The following DPYSL3 variants were observed in gnomAD, a reference collection of about 807,000 sequenced individuals.
DPYSL3 encodes dihydropyrimidinase like 3.
DPYSL3 carries 16 observed loss-of-function variants against 66.1 expected under a neutral mutation model. The ratio of observed to expected loss-of-function variants is 0.24; its 90% CI spans 0.16 to 0.37. The LOEUF is 0.37. DPYSL3 is among the 10% of genes least tolerant of loss of function. The pLI, the probability that DPYSL3 is intolerant of heterozygous loss-of-function variation, is 1.00. For synonymous variants in DPYSL3, 338 were observed against 345.1 expected, an observed-to-expected ratio of 0.98 and a Z score of 0.23; for missense variants, 738 against 916.2, an observed-to-expected ratio of 0.81 and a Z score of 2.51.
intron 2 of DPYSL3, among the ~76,000 whole-genome samples, chr5:147,419,362 A>G (rs186750269): frequency 6.6e-6 from 1 of 152,298 alleles, no homozygotes; most frequent in African/African-American, 2.4e-5. Flanking sequence ...GCTTCAGAGC[A>G]TCTTAGGGAG....
intron 5 of DPYSL3, 146 bp downstream of exon 5, chr5:147,413,450 C>T (rs1355017917): frequency 1.6e-5 from 10 of 640,422 alleles, no homozygotes; most frequent in Admixed American, 2.7e-5. Context: ...TAAAATGTAG[C>T]GTGGACTGCA....
chr5:147,411,887 G>C (rs142857855), intron 6 of DPYSL3, among the ~76,000 whole-genome samples: 2,036 of 152,290 alleles, frequency 0.013, 57 homozygotes, highest in African/African-American at 0.046. Context: ...GTTTCTTGTT[G>C]CCAACATTAT....
At chr5:147,418,967 TTTAAG>T (rs1429068365) in intron 2 of DPYSL3, among the ~76,000 whole-genome samples, 1 of 152,202 alleles carries the variant, frequency 6.6e-6, no homozygotes, top group Non-Finnish European at 1.5e-5. Context: ...CATTTTGTTC[TTTAAG>T]TTAAGGTGAG....
chr5:147,438,712 C>T lies in DPYSL3; in HGVS notation c.382-13749G>A, dbSNP rs890371661. On this transcript the variant is annotated intron_variant, in intron 1 of 13. Transcript: ENST00000343218. ...TAGTCTACTCTTTTGTGATGTGTCT[C>T]TGCTCAGAAATGTTTCAGACTGAAG... Among the ~76,000 whole-genome samples, 135 of 152,192 alleles carry T rather than the reference C, an allele frequency of 8.9e-4. 1 individual carries two copies. The highest frequency in any genetic ancestry group is 8.7e-3 in the Admixed American group (133 of 15,284).
At chr5:147,399,948 T>G (rs1292519133) in intron 10 of DPYSL3, among the ~76,000 whole-genome samples, 1 of 152,214 alleles carries the variant, frequency 6.6e-6, no homozygotes, top group Non-Finnish European at 1.5e-5. Context: ...GAATTGAGTT[T>G]AAAACCTAGC....
At chr5:147,404,325 T>C (rs991015553) in intron 8 of DPYSL3, among the ~76,000 whole-genome samples, 6 of 152,132 alleles carry the variant, frequency 3.9e-5, no homozygotes, top group African/African-American at 1.4e-4. Flanking sequence ...GTCTAGACAA[T>C]GTGAAAGCCT....
At chr5:147,455,154 G>A (rs1752823985) in intron 1 of DPYSL3, among the ~76,000 whole-genome samples, 1 of 152,166 alleles carries the variant, frequency 6.6e-6, no homozygotes, top group African/African-American at 2.4e-5. Context: ...GTGAAGACGT[G>A]CTTGCGATAA....
intron 1 of DPYSL3, among the ~76,000 whole-genome samples, chr5:147,442,139 A>G (rs1030074870): frequency 6.6e-6 from 1 of 152,260 alleles, no homozygotes; most frequent in African/African-American, 2.4e-5. Context: ...GGTCTCCTTG[A>G]AAGAATTAAG....
At chr5:147,506,219 T>A (rs916467205) in intron 1 of DPYSL3, among the ~76,000 whole-genome samples, 2 of 152,138 alleles carry the variant, frequency 1.3e-5, no homozygotes, top group Non-Finnish European at 2.9e-5. Context: ...GCTAAGATAG[T>A]GATAAATATT....
chr5:147,411,921 C>CT (rs930150937), intron 6 of DPYSL3, among the ~76,000 whole-genome samples: 7 of 151,704 alleles, frequency 4.6e-5, no homozygotes, highest in South Asian at 2.1e-4. Flanking sequence ...AAAGCTCACT[C>CT]TTTTTTTTTC....
chr5:147,415,604 TTCCAGGC>T lies in DPYSL3; in HGVS notation c.820+98_820+104del, dbSNP rs1195835571. 3.5e-6 allele frequency: 5 copies of T among 1,410,326 alleles called. No individual in the cohort carries two copies. The African/African-American group carries it at 7.1e-5, about 20-fold the overall frequency. The allele number at this position is 1,410,326 out of a possible 1,614,324, so 87.4% of individuals were successfully genotyped here. A position where few individuals can be genotyped will look rare whatever the true frequency, so the allele number is the denominator to read the frequency against. ...CTACATCCAGTGCTCACACTCAAGGTTCCAGGCTCCAAGTAAAAGACAGTGACTGAAA... is the reference window on the plus strand; with the variant it reads ...CTACATCCAGTGCTCACACTCAAGGTTCCAAGTAAAAGACAGTGACTGAAA... On this transcript the variant is annotated intron_variant, in intron 4 of 13. Coordinates refer to ENST00000343218, the MANE Select transcript of DPYSL3 (RefSeq NM_001197294.2).
chr5:147,465,995 A>G (rs1471261855), intron 1 of DPYSL3, among the ~76,000 whole-genome samples: 2 of 152,240 alleles, frequency 1.3e-5, no homozygotes, highest in Non-Finnish European at 2.9e-5. Context: ...TTGATATTAA[A>G]TAAATATGTA....
intron 7 of DPYSL3, among the ~76,000 whole-genome samples, chr5:147,407,470 T>C (rs1751727242): frequency 6.6e-6 from 1 of 152,096 alleles, no homozygotes. Context: ...TGCCAGCACA[T>C]CTCCACAGTG....
At chr5:147,499,656 A>C (rs1753573044) in intron 1 of DPYSL3, among the ~76,000 whole-genome samples, 1 of 152,202 alleles carries the variant, frequency 6.6e-6, no homozygotes, top group African/African-American at 2.4e-5. Flanking sequence ...GATTCGACAC[A>C]GTTCCAATCA....
At chr5:147,430,535 G>GAAAAAGA (rs1313793393) in intron 1 of DPYSL3, among the ~76,000 whole-genome samples, 1 of 148,522 alleles carries the variant, frequency 6.7e-6, no homozygotes, top group Admixed American at 6.7e-5. Flanking sequence ...GAAAAAAAAG[G>GAAAAAGA]AAAAAGAAAA....
intron 1 of DPYSL3, among the ~76,000 whole-genome samples, chr5:147,484,574 A>G (rs1262820106): frequency 6.6e-6 from 1 of 151,452 alleles, no homozygotes; most frequent in Non-Finnish European, 1.5e-5. Flanking sequence ...TTAGCAATAT[A>G]AAGAAAGGTT....
chr5:147,413,311 G>A (rs188805636), intron 5 of DPYSL3, among the ~76,000 whole-genome samples: 28 of 152,272 alleles, frequency 1.8e-4, no homozygotes, highest in African/African-American at 6.7e-4. Context: ...GCTTATGAGG[G>A]GTTTGGAGCT....
chr5:147,401,912 T>C (rs1339862983), intron 8 of DPYSL3: 6 of 459,690 alleles, frequency 1.3e-5, no homozygotes, highest in African/African-American at 1.2e-4. Flanking sequence ...AAGCCATTGG[T>C]TGTTAGATGC....
At chr5:147,493,069 G>A (rs746301456) in intron 1 of DPYSL3, among the ~76,000 whole-genome samples, 16 of 152,102 alleles carry the variant, frequency 1.1e-4, no homozygotes, top group Middle Eastern at 3.2e-3. Flanking sequence ...AATAGACCTC[G>A]GAGCAAGCGA....
Sources: gnomAD v4.1 joint callset for allele counts (sites outside exome capture counted in the v4.1 genomes callset) on GRCh38, gnomAD v4.1.1 for gene constraint, MANE v1.5 for transcripts, NCBI Gene and HGNC (gene_info 2026-07-23, HGNC 2026-07-21) for gene names.